The following SLC30A8 variants were observed in gnomAD, a reference collection of about 807,000 sequenced individuals.
SLC30A8 encodes the protein proton-coupled zinc antiporter SLC30A8.
In SLC30A8, 27 loss-of-function variants were observed where a neutral mutation model predicts 36.9. That is an observed-to-expected ratio of 0.73 (90% CI 0.54 to 1.01). SLC30A8 has a LOEUF of 1.01. Ranked by LOEUF, SLC30A8 falls within the 50% of genes least tolerant of loss-of-function variation. The probability of loss-of-function intolerance (pLI) is 0.00; values close to 1 mark genes in which losing one functional copy is unlikely to be tolerated. For synonymous variants in SLC30A8, 164 were observed against 172.4 expected (o/e 0.95, Z 0.38); for missense variants, 439 against 452.0 (o/e 0.97, Z 0.26).
chr8:116,956,065 C>T (rs79134197), intron 1 of SLC30A8, among the ~76,000 whole-genome samples: 16 of 152,208 alleles, frequency 1.1e-4, no homozygotes, highest in Non-Finnish European at 1.9e-4. Context: ...TTTATGTTGG[C>T]AATAAATGTA....
intron 6 of SLC30A8, among the ~76,000 whole-genome samples, chr8:117,168,549 GTGGGGCCA>G: frequency 6.6e-6 from 1 of 152,272 alleles, no homozygotes; most frequent in East Asian, 1.9e-4. Context: ...ATTGAGTCCA[GTGGGGCCA>G]TGCCTCTTGC....
At chr8:117,052,349 T>C (rs566217458) in intron 2 of SLC30A8, among the ~76,000 whole-genome samples, 2 of 152,202 alleles carry the variant, frequency 1.3e-5, no homozygotes, top group Non-Finnish European at 2.9e-5. Context: ...CCTCAGGTAT[T>C]CCTTTGTTCC....
chr8:117,164,887 T>C (rs970516996), intron 6 of SLC30A8, among the ~76,000 whole-genome samples: 19 of 152,140 alleles, frequency 1.2e-4, no homozygotes, highest in African/African-American at 3.6e-4. Context: ...GTCTTCCAAC[T>C]GTCCAGGAAT....
chr8:117,078,335 C>A (rs1055489370), intron 2 of SLC30A8, among the ~76,000 whole-genome samples: 2 of 152,172 alleles, frequency 1.3e-5, no homozygotes, highest in African/African-American at 2.4e-5. Flanking sequence ...AGACACTCTT[C>A]CAAGCAGGCC....
At chr8:117,157,665 G>T in intron 3 of SLC30A8, 26 bp from the exon 4 acceptor site, 2 of 1,613,338 alleles carry the variant, frequency 1.2e-6, no homozygotes, top group Non-Finnish European at 1.7e-6. Flanking sequence ...CTGTGTGTGG[G>T]TTTCTGTGTG....
chr8:117,069,255 A>G (rs1818257460), intron 2 of SLC30A8, among the ~76,000 whole-genome samples: 1 of 152,222 alleles, frequency 6.6e-6, no homozygotes, highest in African/African-American at 2.4e-5. Context: ...AAGAAAACAA[A>G]ACTGCTTAAA....
chr8:117,091,090 G>T (rs7832168), intron 2 of SLC30A8, among the ~76,000 whole-genome samples: 17,875 of 151,268 alleles, frequency 0.12, 1,137 homozygotes, highest in East Asian at 0.15. Flanking sequence ...TTTGCACTTA[G>T]ATTGGCAGAG....
At chr8:117,075,198 G>A (rs1289416450) in intron 2 of SLC30A8, among the ~76,000 whole-genome samples, 2 of 151,674 alleles carry the variant, frequency 1.3e-5, no homozygotes, top group Non-Finnish European at 2.9e-5. Context: ...TAGTAAACAA[G>A]CTTGCAGTAA....
chr8:117,111,756 G>A (rs1030355169), intron 2 of SLC30A8, among the ~76,000 whole-genome samples: 12 of 152,056 alleles, frequency 7.9e-5, no homozygotes, highest in Non-Finnish European at 5.9e-5. Context: ...CCATGAAGTC[G>A]ACCTGGAGGA....
intron 1 of SLC30A8, among the ~76,000 whole-genome samples, chr8:116,976,278 T>C (rs1815007111): frequency 6.7e-6 from 1 of 148,834 alleles, no homozygotes; most frequent in Non-Finnish European, 1.5e-5. Context: ...GTATAAATGC[T>C]CCCACCCATG....
intron 1 of SLC30A8, among the ~76,000 whole-genome samples, chr8:117,012,500 C>T: frequency 6.6e-6 from 1 of 151,796 alleles, no homozygotes; most frequent in Admixed American, 6.6e-5. Context: ...CAACTATTTA[C>T]ATAGCGTTTA....
intron 1 of SLC30A8, among the ~76,000 whole-genome samples, chr8:116,997,111 A>C (rs1815847284): frequency 6.6e-6 from 1 of 152,112 alleles, no homozygotes; most frequent in Non-Finnish European, 1.5e-5. Context: ...AGTTTCTAAA[A>C]ACCTGTTTGC....
At chr8:117,032,746 CG>C (rs1448773989) in intron 1 of SLC30A8, among the ~76,000 whole-genome samples, 1 of 152,056 alleles carries the variant, frequency 6.6e-6, no homozygotes, top group South Asian at 2.1e-4. Flanking sequence ...AAAAATTAGC[CG>C]GGTGTGGTGG....
At chr8:116,996,329 A>C (rs1815813613) in intron 1 of SLC30A8, among the ~76,000 whole-genome samples, 1 of 152,204 alleles carries the variant, frequency 6.6e-6, no homozygotes, top group Non-Finnish European at 1.5e-5. Flanking sequence ...AGCACTTTGA[A>C]AATACCCATT....
intron 1 of SLC30A8, among the ~76,000 whole-genome samples, chr8:116,988,562 G>C (rs1329823204): frequency 6.6e-6 from 1 of 152,172 alleles, no homozygotes; most frequent in East Asian, 1.9e-4. Flanking sequence ...ACTCCTCTTA[G>C]AAGCCTCCTG....
At chr8:117,104,343 G>A (rs752573948) in intron 2 of SLC30A8, among the ~76,000 whole-genome samples, 4 of 152,050 alleles carry the variant, frequency 2.6e-5, no homozygotes, top group Non-Finnish European at 4.4e-5. Flanking sequence ...TTTATTGCTC[G>A]CAGGTTCTGC....
intron 1 of SLC30A8, among the ~76,000 whole-genome samples, chr8:116,990,586 A>G (rs1815602506): frequency 6.6e-6 from 1 of 152,154 alleles, no homozygotes; most frequent in Non-Finnish European, 1.5e-5. Flanking sequence ...AGAGTGAGAA[A>G]TATCAGAGCC....
At chr8:117,139,202 A>C (rs930514891) in intron 1 of SLC30A8, among the ~76,000 whole-genome samples, 1 of 152,084 alleles carries the variant, frequency 6.6e-6, no homozygotes, top group Admixed American at 6.6e-5. Context: ...TGTCCCCCAC[A>C]ATTATATGTT....
intron 1 of SLC30A8, among the ~76,000 whole-genome samples, chr8:117,025,057 G>A (rs995280767): frequency 1.4e-4 from 21 of 152,144 alleles, no homozygotes; most frequent in African/African-American, 4.8e-4. Flanking sequence ...AAGAAATGAA[G>A]TATTCATTCT....
Sources: gnomAD v4.1 joint callset for allele counts (sites outside exome capture counted in the v4.1 genomes callset) on GRCh38, gnomAD v4.1.1 for gene constraint, MANE v1.5 for transcripts, NCBI Gene and HGNC (gene_info 2026-07-23, HGNC 2026-07-21) for gene names.